Variants in SPEG observed in about 807,000 individuals in gnomAD.
The protein encoded by SPEG is striated muscle enriched protein kinase.
Under a neutral mutation model 300.4 loss-of-function variants are expected in SPEG, and 114 were observed. The ratio of observed to expected loss-of-function variants is 0.38; its 90% CI spans 0.33 to 0.44. The LOEUF (loss-of-function observed/expected upper bound fraction) is 0.44, where lower values mean the gene tolerates loss of function less well. Ranked by LOEUF, SPEG falls within the 20% of genes least tolerant of loss-of-function variation. The pLI is 1.00. For missense variants in SPEG, 4,201 were observed against 4,586.2 expected (o/e 0.92, Z 2.43); for synonymous variants, 1,964 against 2,018.9 (o/e 0.97, Z 0.73).
chr2:219,450,479 G>T (rs1360706531), intron 4 of SPEG, among the ~76,000 whole-genome samples: 2 of 152,192 alleles, frequency 1.3e-5, no homozygotes, highest in Non-Finnish European at 2.9e-5. Context: ...AGTGGAGTTT[G>T]TCATCTCTCT....
chr2:219,484,352 G>A lies in SPEG; in HGVS notation c.6889G>A (p.Ala2297Thr). Residue 2297 changes from alanine to threonine, a missense_variant, in exon 30 of 41, where the codon GCC (alanine) becomes ACC (threonine). By Grantham distance (58) the Ala-to-Thr change is moderately conservative. Around this residue, in one of 4 missense-constraint regions of SPEG, gnomAD observed 1,578 missense variants for 1,506.0 expected, o/e 1.05. Transcript: ENST00000312358. ...PGAPEKRVPS[A>T]GGPPVLAEKA... The stretch of plus-strand genomic sequence containing the variant: ...AGCCCCCGAGAAGCGCGTGCCCTCA[G>A]CCGGGGGTCCCCCGGTGCTAGCCGA... 1 of 1,605,678 alleles carries A rather than the reference G, an allele frequency of 6.2e-7. No individual in the cohort carries two copies. The highest frequency in any genetic ancestry group is 8.5e-7 in the Non-Finnish European group (1 of 1,178,884).
At chr2:219,447,939 T>C in intron 3 of SPEG, 35 bp from the exon 4 acceptor site, 1 of 1,598,630 alleles carries the variant, frequency 6.3e-7, no homozygotes, top group Non-Finnish European at 8.6e-7. Flanking sequence ...GGAGGCCCCC[T>C]GAATCCTCTA....
In SPEG at chr2:219,484,314, C is replaced by T. The variant is rs1302680566; in HGVS notation, c.6851C>T (p.Ser2284Phe). Residue 2284 changes from serine to phenylalanine, a missense_variant, in exon 30 of 41, where the codon TCC becomes TTC. Physicochemically the swap from Ser to Phe is radical, Grantham distance 155. Coordinates refer to ENST00000312358, the MANE Select transcript of SPEG (RefSeq NM_005876.5). ...GCTGCTGTCTTTGCCAGGGTGGCCT[C>T]CCCACCTCCGGGAGCCCCCGAGAAG... is the stretch of plus-strand genomic sequence containing the variant. ...PHAAVFARVA[S>F]PPPGAPEKRV... 2 of 1,604,568 alleles carry T rather than the reference C, an allele frequency of 1.2e-6. No individual in the cohort carries two copies. The highest frequency in any genetic ancestry group is 1.1e-5 in the South Asian group (1 of 90,826).
intron 9 of SPEG, chr2:219,465,639 G>C: frequency 3.7e-6 from 1 of 273,704 alleles, no homozygotes; most frequent in Non-Finnish European, 7.0e-6. Context: ...GTTGCCCGGG[G>C]TCTCTGCCTG....
At chr2:219,466,323 G>A in intron 9 of SPEG, 2 of 1,410,716 alleles carry the variant, frequency 1.4e-6, no homozygotes, top group Non-Finnish European at 1.8e-6. Context: ...TGCTGGGAAG[G>A]GGCGGCTGCG....
At chr2:219,441,970 C>G in intron 1 of SPEG, 1 of 345,558 alleles carries the variant, frequency 2.9e-6, no homozygotes, top group East Asian at 5.9e-5. Flanking sequence ...CCCCAGCTCG[C>G]CCCCGGCCCC....
chr2:219,446,592 A>C (rs1689307302), intron 3 of SPEG, among the ~76,000 whole-genome samples: 1 of 152,134 alleles, frequency 6.6e-6, no homozygotes, highest in Non-Finnish European at 1.5e-5. Flanking sequence ...GTAGGCTAAA[A>C]CATCCTTAAC....
In SPEG at chr2:219,447,940, G is replaced by T. The variant is rs1193845411; in HGVS notation, c.816-34G>T. On this transcript the variant is annotated intron_variant, in intron 3 of 40. Coordinates refer to ENST00000312358, the MANE Select transcript of SPEG (RefSeq NM_005876.5). Reference sequence around the variant, plus strand: ...AAGGGTCTAGGAGAGGAGGCCCCCTGAATCCTCTACCCTTCTCCATCTTGG... The same window carrying T: ...AAGGGTCTAGGAGAGGAGGCCCCCTTAATCCTCTACCCTTCTCCATCTTGG... 3 of 1,601,124 alleles carry T rather than the reference G, an allele frequency of 1.9e-6. No homozygotes were observed. In the East Asian group the frequency reaches 6.7e-5, roughly 36 times the overall value.
Position 219,439,270 on chromosome 2 carries a change from C to T in SPEG, c.388+3905C>T, listed in dbSNP as rs77107833. 0.03 allele frequency among the ~76,000 whole-genome samples: 4,515 copies of T among 152,264 alleles called. 144 individuals carry two copies. Among genetic ancestry groups the T allele is most frequent in the African/African-American group, 0.079 (3,291 of 41,510 alleles). On this transcript the variant is annotated intron_variant, in intron 1 of 40. Coordinates refer to ENST00000312358, the MANE Select transcript of SPEG (RefSeq NM_005876.5). This position sits in a 1 kb window ranked among gnomAD's most constrained non-coding sequence, Gnocchi z 4.5. The stretch of plus-strand genomic sequence containing the variant: ...TCTCCACCTGCAGCTCTGCCACCCC[C>T]TCCCATATTTATTGAGTGCCTACTA...
At chr2:219,487,779 C>T (rs570609148) in intron 31 of SPEG, among the ~76,000 whole-genome samples, 1 of 152,360 alleles carries the variant, frequency 6.6e-6, no homozygotes, top group East Asian at 1.9e-4. Flanking sequence ...TCTCAATTCT[C>T]TTCTCACTTG....
At position 219,449,019 on chromosome 2, in the gene SPEG, G is replaced by A. The variant is rs781705882; in HGVS notation, c.1861G>A (p.Ala621Thr). Residue 621 changes from alanine (A) to threonine (T), a missense_variant, in exon 4 of 41, where the codon GCC becomes ACC. Ala to Thr is a moderately conservative substitution (Grantham distance 58, BLOSUM62 0). This residue lies in a region of SPEG where 1,258 missense variants were observed against 1,293.9 expected (regional missense o/e 0.97). Transcript: ENST00000312358. ...VPPPAADPPEARTKAPPGRKR... is the reference protein window; with the variant it reads ...VPPPAADPPETRTKAPPGRKR... ...GCCCCCCGCCGCCGATCCCCCAGAG[G>A]CCAGGACGAAAGCACCCCCCGGTCG... The A allele has an allele frequency of 2.6e-6, 4 of 1,517,744 alleles. No individual in the cohort carries two copies. In the African/African-American group the frequency reaches 5.8e-5, roughly 22 times the overall value. 94.0% of individuals were successfully genotyped at this position (1,517,744 alleles called of 1,614,324 possible).
chr2:219,492,665 G>T lies in SPEG; in HGVS notation c.9683G>T (p.Arg3228Leu). 6.2e-7 allele frequency: 1 copy of T among 1,610,818 alleles called. No homozygotes were observed. The stretch of plus-strand genomic sequence containing the variant: ...GACGCCTACCTGATGAAGCTGCGCC[G>T]CCAGACGCTCACCTTCACCACCAAC... Reference protein sequence around the residue: ...LQDAYLMKLRRQTLTFTTNRL... With the variant: ...LQDAYLMKLRLQTLTFTTNRL... Residue 3228 changes from arginine (R) to leucine (L), a missense_variant, in exon 41 of 41, where the codon CGC (arginine) becomes CTC (leucine). Physicochemically the swap from Arg to Leu is moderately radical, Grantham distance 102 (BLOSUM62 -2). Coordinates refer to ENST00000312358, the MANE Select transcript of SPEG (RefSeq NM_005876.5).
At position 219,462,016 on chromosome 2, in the gene SPEG, C is replaced by G; in HGVS notation, c.2575C>G (p.Arg859Gly). Residue 859 changes from arginine to glycine, a missense_variant, in exon 7 of 41, where the codon CGT becomes GGT. By Grantham distance (125) the Arg-to-Gly change is moderately radical (BLOSUM62 -2). This residue lies in a region of SPEG where 1,258 missense variants were observed against 1,293.9 expected (regional missense o/e 0.97). Coordinates refer to ENST00000312358, the MANE Select transcript of SPEG (RefSeq NM_005876.5). ...GAAGCCCAGTCCCAGCCAGAACCGCCGTTCTTCTGACACTGGCTCCAAGGC... is the reference window on the plus strand; with the variant it reads ...GAAGCCCAGTCCCAGCCAGAACCGCGGTTCTTCTGACACTGGCTCCAAGGC... ...TMKPSPSQNR[R>G]SSDTGSKAPP... The G allele has an allele frequency of 6.2e-7, 1 of 1,612,526 alleles. No homozygotes were observed. The highest frequency in any genetic ancestry group is 8.5e-7 in the Non-Finnish European group (1 of 1,179,470).
intron 1 of SPEG, among the ~76,000 whole-genome samples, chr2:219,440,345 A>G (rs2125209957): frequency 6.6e-6 from 1 of 152,220 alleles, no homozygotes; most frequent in East Asian, 1.9e-4. Flanking sequence ...CCATGATGGC[A>G]CCGCTGCACT....
rs1692873020 is a variant in SPEG, at chr2:219,481,817, A to G, written c.5565+137A>G. 1.3e-6 allele frequency: 1 copy of G among 790,364 alleles called. No homozygotes were observed. The highest frequency in any genetic ancestry group is 1.5e-5 in the South Asian group (1 of 67,114). 49.0% of individuals were successfully genotyped at this position (790,364 alleles called of 1,614,324 possible). On this transcript the variant is annotated intron_variant, in intron 28 of 40. Coordinates refer to ENST00000312358, the MANE Select transcript of SPEG (RefSeq NM_005876.5). This position sits in a 1 kb window ranked among gnomAD's most constrained non-coding sequence, Gnocchi z 5.4. The stretch of plus-strand genomic sequence containing the variant: ...TGTACATATGACGTATTAGCCTCAC[A>G]ATAGCTTTGCAAAGGAAGGCATTAT...
rs1691623798 is a variant in SPEG, at chr2:219,468,934, T to C, written c.3377T>C (p.Val1126Ala). 1.2e-6 allele frequency: 2 copies of C among 1,613,972 alleles called. No homozygotes were observed. The highest frequency in any genetic ancestry group is 1.7e-6 in the Non-Finnish European group (2 of 1,179,994). Residue 1126 changes from valine (V) to alanine (A), a missense_variant, in exon 12 of 41, where the codon GTG (valine) becomes GCG (alanine). Physicochemically the swap from Val to Ala is moderately conservative, Grantham distance 64. Around this residue, in one of 4 missense-constraint regions of SPEG, gnomAD observed 1,047 missense variants for 1,356.8 expected, o/e 0.77. Transcript: ENST00000312358. Reference sequence around the variant, plus strand: ...CTGCACTCACTGCACATTGCCCATGTGGGCAGCGAGGACGAGGGGCTCTAT... The same window carrying C: ...CTGCACTCACTGCACATTGCCCATGCGGGCAGCGAGGACGAGGGGCTCTAT... Reference protein sequence around the residue: ...GGLHSLHIAHVGSEDEGLYAV... With the variant: ...GGLHSLHIAHAGSEDEGLYAV...
chr2:219,481,500 C>A lies in SPEG; in HGVS notation c.5522+44C>A, dbSNP rs757286606. 10 of 1,610,192 alleles carry A rather than the reference C, an allele frequency of 6.2e-6. No individual in the cohort carries two copies. In the African/African-American group the frequency reaches 1.1e-4, roughly 17 times the overall value. ...GAGCCCCCACCTGCAGGGTCACCCTCATACCACCTGCCTGCTACTCCCAAA... is the reference window on the plus strand; with the variant it reads ...GAGCCCCCACCTGCAGGGTCACCCTAATACCACCTGCCTGCTACTCCCAAA... On this transcript the variant is annotated intron_variant, in intron 27 of 40. Coordinates refer to ENST00000312358, the MANE Select transcript of SPEG (RefSeq NM_005876.5). This position sits in a 1 kb window ranked among gnomAD's most constrained non-coding sequence, Gnocchi z 5.4.
intron 6 of SPEG, chr2:219,461,246 G>A (rs1419579567): frequency 5.1e-6 from 5 of 986,002 alleles, no homozygotes; most frequent in Non-Finnish European, 6.0e-6. Flanking sequence ...CTCCAGCTCT[G>A]CTTTCCTATC....
Position 219,480,573 on chromosome 2 carries a change from G to C in SPEG, c.5343-98G>C. 1 of 1,249,380 alleles carries C rather than the reference G, an allele frequency of 8.0e-7. No homozygotes were observed. The highest frequency in any genetic ancestry group is 1.2e-6 in the Non-Finnish European group (1 of 849,718). 77.4% of individuals were successfully genotyped at this position (1,249,380 alleles called of 1,614,324 possible). A position where few individuals can be genotyped will look rare whatever the true frequency, so the allele number is the denominator to read the frequency against. Reference sequence around the variant, plus strand: ...CCATTGTCCATGGCAGTGTTCCCAGGGAGGTAACAGCTCACTCAGGTCAGC... The same window carrying C: ...CCATTGTCCATGGCAGTGTTCCCAGCGAGGTAACAGCTCACTCAGGTCAGC... On this transcript the variant is annotated intron_variant, in intron 25 of 40. Transcript: ENST00000312358. The surrounding 1 kb of genome is among the most constrained non-coding windows in gnomAD (Gnocchi z 5.3).
Sources: allele counts gnomAD v4.1 joint callset (sites outside exome capture counted in the v4.1 genomes callset), GRCh38; gene constraint gnomAD v4.1.1; regional missense constraint gnomAD v4.1.1; non-coding constraint Gnocchi (gnomAD v3.1); transcripts MANE v1.5; gene names NCBI Gene and HGNC (gene_info 2026-07-23, HGNC 2026-07-21).